MYO5A: variants seen among roughly 807,000 people sequenced by gnomAD.
MYO5A encodes the protein myosin VA, also known as unconventional myosin-Va.
A neutral mutation model predicts 249.7 loss-of-function variants in MYO5A; 98 were observed. The ratio of observed to expected loss-of-function variants is 0.39; its 90% CI spans 0.33 to 0.46. MYO5A has a LOEUF of 0.46. Ranked by LOEUF, MYO5A falls within the 20% of genes least tolerant of loss-of-function variation. The pLI, the probability that MYO5A is intolerant of heterozygous loss-of-function variation, is 0.98. For missense variants in MYO5A, 1,696 were observed against 2,308.8 expected, an observed-to-expected ratio of 0.73 and a Z score of 5.44; for synonymous variants, 778 against 810.6, an observed-to-expected ratio of 0.96 and a Z score of 0.68.
intron 36 of MYO5A, chr15:52,323,721 C>T (rs992861115): frequency 2.5e-5 from 9 of 364,790 alleles, no homozygotes; most frequent in Middle Eastern, 9.7e-4. Context: ...AAAATTCACC[C>T]GGCTGGGCGC....
rs745796961 is a variant in MYO5A at position 52,348,844 on chromosome 15, G to C, written c.3850-18C>G. On this transcript the variant is annotated intron_variant, in intron 28 of 41. Coordinates refer to ENST00000399233, the MANE Select transcript of MYO5A (RefSeq NM_001382347.1). ...TTGTCATCCTGAGAATCACAAGTCA[G>C]CAAGCACAAAAAACAGAGAAAACAA... 4 of 1,598,600 alleles carry C rather than the reference G, an allele frequency of 2.5e-6. 1 individual carries two copies. Among genetic ancestry groups the C allele is most frequent in the Non-Finnish European group, 3.4e-6 (4 of 1,173,342 alleles).
At chr15:52,512,180 T>C (rs915813284) in intron 1 of MYO5A, among the ~76,000 whole-genome samples, 1 of 151,106 alleles carries the variant, frequency 6.6e-6, no homozygotes, top group Admixed American at 6.6e-5. Flanking sequence ...AAAAAAAAAT[T>C]GATATCATAA....
chr15:52,517,673 T>C (rs1448552779), intron 1 of MYO5A, among the ~76,000 whole-genome samples: 1 of 152,200 alleles, frequency 6.6e-6, no homozygotes, highest in African/African-American at 2.4e-5. Context: ...ATCGCACCAA[T>C]GTGCTCCAGC....
chr15:52,313,831 C>A lies in MYO5A; in HGVS notation c.5508G>T (p.Arg1836Ser). Residue 1836 changes from arginine to serine, a missense_variant, in exon 42 of 42, where the codon AGG becomes AGT. Physicochemically the swap from Arg to Ser is moderately radical, Grantham distance 110. Around this residue, in one of 5 missense-constraint regions of MYO5A, gnomAD observed 625 missense variants for 908.1 expected, o/e 0.69. Transcript: ENST00000399233. ...CCATGAGCAGCTGGGGAGAGTCTTT[C>A]CTGTCTCGTAAACGCATCTGAGAAG... ...IRTIQMRLRD[R>S]KDSPQLLMDA... 1 of 1,613,946 alleles carries A rather than the reference C, an allele frequency of 6.2e-7. No homozygotes were observed. Among genetic ancestry groups the A allele is most frequent in the African/African-American group, 1.3e-5 (1 of 75,004 alleles).
At chr15:52,510,145 CTGTT>C (rs1207464632) in intron 1 of MYO5A, among the ~76,000 whole-genome samples, 1 of 150,550 alleles carries the variant, frequency 6.6e-6, no homozygotes, top group African/African-American at 2.4e-5. Context: ...GGCTGAGACT[CTGTT>C]TTCCTACATA....
intron 1 of MYO5A, among the ~76,000 whole-genome samples, chr15:52,433,508 C>T (rs1233524456): frequency 6.8e-6 from 1 of 147,856 alleles, no homozygotes; most frequent in Non-Finnish European, 1.5e-5. Context: ...GCAACCTCTG[C>T]CTCCTGGGTT....
At chr15:52,391,521 C>T (rs1294726755) in intron 12 of MYO5A, among the ~76,000 whole-genome samples, 1 of 152,174 alleles carries the variant, frequency 6.6e-6, no homozygotes, top group East Asian at 1.9e-4. Context: ...AACTCCATCC[C>T]TCTCAAATAT....
intron 1 of MYO5A, among the ~76,000 whole-genome samples, chr15:52,472,643 T>A (rs951239405): frequency 3.3e-5 from 5 of 152,206 alleles, no homozygotes; most frequent in Admixed American, 3.3e-4. Flanking sequence ...ACATGCAGTG[T>A]TTGGTTTTCT....
chr15:52,374,631 C>G (rs577965971), intron 20 of MYO5A, among the ~76,000 whole-genome samples: 3 of 152,296 alleles, frequency 2.0e-5, no homozygotes, highest in Admixed American at 2.0e-4. Context: ...GCTGTGAAAA[C>G]AGAGGCTGAG....
At chr15:52,381,396 G>A (rs2041731550) in intron 16 of MYO5A, among the ~76,000 whole-genome samples, 1 of 152,130 alleles carries the variant, frequency 6.6e-6, no homozygotes, top group Admixed American at 6.5e-5. Flanking sequence ...TGGCACGGGG[G>A]TAGGGAAAAG....
At chr15:52,346,525 A>T in intron 29 of MYO5A, 64 bp from the exon 30 acceptor site, 1 of 1,044,130 alleles carries the variant, frequency 9.6e-7, no homozygotes, top group Non-Finnish European at 1.5e-6. Context: ...CATAAAACAC[A>T]TTTATTTGGT....
Position 52,367,128 on chromosome 15 carries a change from C to T in MYO5A, c.3067-4G>A, listed in dbSNP as rs778984027. 69 of 1,610,608 alleles carry T rather than the reference C, an allele frequency of 4.3e-5. No individual in the cohort carries two copies. The highest frequency in any genetic ancestry group is 5.5e-5 in the Non-Finnish European group (65 of 1,177,482). On this transcript the variant is annotated splice_polypyrimidine_tract_variant and splice_region_variant and intron_variant, in intron 22 of 41. Coordinates refer to ENST00000399233, the MANE Select transcript of MYO5A (RefSeq NM_001382347.1). The stretch of plus-strand genomic sequence containing the variant: ...CTTCCTTCAGATTTGATACCAGCTA[C>T]GAAATGAAACAATAAACTGAGATGG...
chr15:52,396,236 G>A, intron 11 of MYO5A, 80 bp downstream of exon 11: 2 of 867,606 alleles, frequency 2.3e-6, no homozygotes, highest in Non-Finnish European at 3.7e-6. Context: ...CTTCATTCCA[G>A]GGATAAGCTT....
intron 1 of MYO5A, among the ~76,000 whole-genome samples, chr15:52,440,291 G>A (rs1235296456): frequency 6.7e-6 from 1 of 149,366 alleles, no homozygotes; most frequent in Non-Finnish European, 1.5e-5. Context: ...TTTCTGAGAT[G>A]GAGTCTCGCT....
At chr15:52,519,620 AAT>A (rs1566878638) in intron 1 of MYO5A, among the ~76,000 whole-genome samples, 37 of 72,946 alleles carry the variant, frequency 5.1e-4, no homozygotes, top group Non-Finnish European at 8.5e-4. Context: ...TAAAAAAAAT[AAT>A]AATAATAATA....
intron 18 of MYO5A, among the ~76,000 whole-genome samples, chr15:52,378,709 T>C (rs1459608646): frequency 1.3e-5 from 2 of 151,958 alleles, no homozygotes; most frequent in Admixed American, 6.6e-5. Flanking sequence ...CCATCTAGGA[T>C]AGTGTTAACC....
At chr15:52,372,491 CT>C in intron 20 of MYO5A, 128 bp from the exon 21 acceptor site, 1 of 1,258,782 alleles carries the variant, frequency 7.9e-7, no homozygotes. Context: ...TGACAATGTA[CT>C]ATGTAGATTA....
At chr15:52,467,263 C>T (rs975103145) in intron 1 of MYO5A, among the ~76,000 whole-genome samples, 9 of 152,012 alleles carry the variant, frequency 5.9e-5, no homozygotes, top group African/African-American at 1.7e-4. Context: ...GAGAAATCTG[C>T]AAACTAATAT....
rs1278627477 is a variant in MYO5A, at chr15:52,370,375, C to T, written c.2860G>A (p.Glu954Lys). 1.2e-6 allele frequency: 2 copies of T among 1,613,696 alleles called. No homozygotes were observed. Among genetic ancestry groups the T allele is most frequent in the East Asian group, 2.2e-5 (1 of 44,884 alleles). The change falls in exon 22 of 42, where the codon GAA becomes AAA. Residue 954 changes from glutamate (E) to lysine (K), a missense_variant. Physicochemically the swap from Glu to Lys is moderately conservative, Grantham distance 56. Around this residue, in one of 5 missense-constraint regions of MYO5A, gnomAD observed 412 missense variants for 453.3 expected, o/e 0.91. Coordinates refer to ENST00000399233, the MANE Select transcript of MYO5A (RefSeq NM_001382347.1). ...KCLVEKLTNL[E>K]GIYNSETEKL... ...TCAGTCTCAGAGTTGTATATTCCTTCCAGATTGGTTAGTTTCTCCACAAGG... is the reference window on the plus strand; with the variant it reads ...TCAGTCTCAGAGTTGTATATTCCTTTCAGATTGGTTAGTTTCTCCACAAGG...
Sources: allele counts gnomAD v4.1 joint callset (sites outside exome capture counted in the v4.1 genomes callset), GRCh38; gene constraint gnomAD v4.1.1; regional missense constraint gnomAD v4.1.1; transcripts MANE v1.5; gene names NCBI Gene and HGNC (gene_info 2026-07-23, HGNC 2026-07-21).